ESCO1: variants seen among roughly 807,000 people sequenced by gnomAD.
The protein encoded by ESCO1 is establishment of sister chromatid cohesion N-acetyltransferase 1.
Under a neutral mutation model 83.5 loss-of-function variants are expected in ESCO1, and 33 were observed. The ratio of observed to expected loss-of-function variants is 0.40; its 90% CI spans 0.30 to 0.53. The LOEUF is 0.53. Among genes scored for constraint, ESCO1 ranks in the 20% least tolerant of loss-of-function variants. ESCO1 has a pLI of 0.63. For missense variants in ESCO1, 855 were observed against 968.0 expected (o/e 0.88, Z 1.55); for synonymous variants, 332 against 324.3 (o/e 1.02, Z -0.25).
chr18:21,590,495 C>G (rs2038649804), intron 1 of ESCO1, among the ~76,000 whole-genome samples: 1 of 152,102 alleles, frequency 6.6e-6, no homozygotes, highest in African/African-American at 2.4e-5. Flanking sequence ...GCTGGGAATA[C>G]AGGCATGAGC....
chr18:21,594,135 A>T (rs1382483779), intron 1 of ESCO1, among the ~76,000 whole-genome samples: 2 of 152,190 alleles, frequency 1.3e-5, no homozygotes, highest in African/African-American at 4.8e-5. Flanking sequence ...ACACTACAAA[A>T]TGTCTCCTCA....
At chr18:21,540,486 A>G in intron 8 of ESCO1, 14 of 1,025,476 alleles carry the variant, frequency 1.4e-5, no homozygotes, top group Non-Finnish European at 1.6e-5. Context: ...ACTGATTTGC[A>G]TGCAGTAGCC....
rs1355534322 is a variant in ESCO1, at chr18:21,575,786, A to C, written c.-693-9T>G. 5.0e-6 allele frequency: 2 copies of C among 398,012 alleles called. No homozygotes were observed. Among genetic ancestry groups the C allele is most frequent in the African/African-American group, 2.1e-5 (1 of 48,610 alleles). The allele number at this position is 398,012 out of a possible 1,614,324, so 24.7% of individuals were successfully genotyped here. On this transcript the variant is annotated splice_polypyrimidine_tract_variant and intron_variant, in intron 2 of 11. Transcript: ENST00000269214. ...AACACATCACACAGCACCTGAAAGA[A>C]AAAGGGTTTTTTTTAATGTTCAAAA...
intron 4 of ESCO1, among the ~76,000 whole-genome samples, chr18:21,569,840 A>G (rs949347036): frequency 3.3e-5 from 5 of 152,010 alleles, no homozygotes; most frequent in African/African-American, 7.3e-5. Flanking sequence ...ACAGAGCAAG[A>G]CTCCGTCTCA....
chr18:21,532,760 A>G (rs1391153541), intron 10 of ESCO1, 100 bp from the exon 11 acceptor site: 2 of 1,109,890 alleles, frequency 1.8e-6, no homozygotes, highest in Non-Finnish European at 1.3e-6. Flanking sequence ...CTGGCTTAAC[A>G]AACTATGGGG....
rs190365662 is a variant in ESCO1 at position 21,581,936 on chromosome 18, A to C, written c.-694+2374T>G. The stretch of plus-strand genomic sequence containing the variant: ...CTATACTAAAAAAAAAAAAAGAAAA[A>C]AAAAATCAGCCAGGTGTGGTGCATA... On this transcript the variant is annotated intron_variant, in intron 2 of 11. Coordinates refer to ENST00000269214, the MANE Select transcript of ESCO1 (RefSeq NM_052911.3). Among the ~76,000 whole-genome samples the C allele has an allele frequency of 2.1e-3, 322 of 152,102 alleles. 2 individuals carry two copies. Among genetic ancestry groups the C allele is most frequent in the African/African-American group, 7.5e-3 (312 of 41,508 alleles).
chr18:21,542,523 T>G (rs551019892), intron 8 of ESCO1, among the ~76,000 whole-genome samples: 4 of 152,152 alleles, frequency 2.6e-5, no homozygotes, highest in African/African-American at 4.8e-5. Flanking sequence ...CCTCCATCAC[T>G]TGGGTAGGTA....
At chr18:21,600,111 C>G (rs112520332) in intron 1 of ESCO1, among the ~76,000 whole-genome samples, 3 of 152,258 alleles carry the variant, frequency 2.0e-5, no homozygotes, top group African/African-American at 7.2e-5. Flanking sequence ...ACTGCAGAGG[C>G]CTCCAGGCTC....
chr18:21,585,954 T>C lies in ESCO1; in HGVS notation c.-824-1514A>G, dbSNP rs538769265. On this transcript the variant is annotated intron_variant, in intron 1 of 11. Transcript: ENST00000269214. Reference sequence around the variant, plus strand: ...ACATATTTCTGGGGTACATGTGACATTTTGATACAGACATACAACCACGTA... The same window carrying C: ...ACATATTTCTGGGGTACATGTGACACTTTGATACAGACATACAACCACGTA... Among the ~76,000 whole-genome samples, 4 of 152,334 alleles carry C rather than the reference T, an allele frequency of 2.6e-5. No individual in the cohort carries two copies. In the South Asian group the frequency reaches 6.2e-4, roughly 24 times the overall value.
At chr18:21,590,490 G>C (rs1322069865) in intron 1 of ESCO1, among the ~76,000 whole-genome samples, 1 of 151,878 alleles carries the variant, frequency 6.6e-6, no homozygotes, top group Non-Finnish European at 1.5e-5. Flanking sequence ...AAAGTGCTGG[G>C]AATACAGGCA....
intron 8 of ESCO1, among the ~76,000 whole-genome samples, chr18:21,554,268 C>A (rs138090601): frequency 6.6e-5 from 10 of 152,206 alleles, no homozygotes; most frequent in Admixed American, 2.6e-4. Flanking sequence ...TCTTACCATA[C>A]GATCCAGCAA....
At chr18:21,584,224 A>C (rs956349917) in intron 2 of ESCO1, 86 bp downstream of exon 2, 4 of 152,224 alleles carry the variant, frequency 2.6e-5, no homozygotes, top group African/African-American at 4.8e-5. Flanking sequence ...AATGTAAGTT[A>C]AAATTCTCTG....
intron 1 of ESCO1, among the ~76,000 whole-genome samples, chr18:21,595,825 A>G (rs2570953): frequency 0.98 from 147,965 of 150,482 alleles, 72,782 homozygotes; most frequent in Non-Finnish European, 1. Flanking sequence ...TTAGCCGGGC[A>G]TGGTGGCGGG....
At chr18:21,571,810 C>A (rs918235820) in intron 4 of ESCO1, among the ~76,000 whole-genome samples, 4 of 152,232 alleles carry the variant, frequency 2.6e-5, no homozygotes, top group African/African-American at 4.8e-5. Context: ...TACTACAACT[C>A]ACTACTTATT....
chr18:21,553,871 A>G (rs904893639), intron 8 of ESCO1, among the ~76,000 whole-genome samples: 1 of 151,620 alleles, frequency 6.6e-6, no homozygotes. Context: ...TCAAAAAAAA[A>G]AAAAAACACA....
At chr18:21,564,907 A>G (rs539269134) in intron 6 of ESCO1, among the ~76,000 whole-genome samples, 1 of 151,860 alleles carries the variant, frequency 6.6e-6, no homozygotes, top group East Asian at 2.0e-4. Flanking sequence ...TAAAATAAAA[A>G]TAAATAAATA....
At chr18:21,568,611 T>C (rs1410383633) in intron 4 of ESCO1, among the ~76,000 whole-genome samples, 1 of 152,148 alleles carries the variant, frequency 6.6e-6, no homozygotes. Flanking sequence ...GATTTTGAAC[T>C]TAAGCACCCA....
chr18:21,567,443 G>A (rs2038277532), intron 5 of ESCO1, among the ~76,000 whole-genome samples: 1 of 151,848 alleles, frequency 6.6e-6, no homozygotes, highest in South Asian at 2.1e-4. Context: ...GCGATTACAG[G>A]CTTGAGCCAC....
intron 8 of ESCO1, among the ~76,000 whole-genome samples, chr18:21,547,067 T>C (rs1478275521): frequency 1.3e-5 from 2 of 152,214 alleles, no homozygotes; most frequent in Non-Finnish European, 2.9e-5. Flanking sequence ...GACTCCTACT[T>C]ATCCTTTCTG....
Sources: gnomAD v4.1 joint callset for allele counts (sites outside exome capture counted in the v4.1 genomes callset) on GRCh38, gnomAD v4.1.1 for gene constraint, MANE v1.5 for transcripts, NCBI Gene and HGNC (gene_info 2026-07-23, HGNC 2026-07-21) for gene names.